The following NADSYN1 variants were observed in gnomAD, a reference collection of about 807,000 sequenced individuals.
The protein encoded by NADSYN1 is glutamine-dependent NAD(+) synthetase.
Under a neutral mutation model 99.3 loss-of-function variants are expected in NADSYN1, and 80 were observed. The observed-to-expected ratio is 0.81, with a 90% confidence interval of 0.67 to 0.97. The LOEUF (loss-of-function observed/expected upper bound fraction) is 0.97. Ranked by LOEUF, NADSYN1 falls within the 50% of genes least tolerant of loss-of-function variation. The probability of loss-of-function intolerance (pLI) is 0.00; values close to 1 mark genes in which losing one functional copy is unlikely to be tolerated. For missense variants in NADSYN1, 859 were observed against 948.5 expected, an observed-to-expected ratio of 0.91 and a Z score of 1.24; for synonymous variants, 385 against 372.1, an observed-to-expected ratio of 1.03 and a Z score of -0.40.
At chr11:71,468,603 G>T (rs529450217) in intron 5 of NADSYN1, among the ~76,000 whole-genome samples, 8 of 152,316 alleles carry the variant, frequency 5.3e-5, no homozygotes, top group South Asian at 2.1e-4. Context: ...TTCTTTAAAA[G>T]TCCAGTAGAA....
intron 19 of NADSYN1, 114 bp from the exon 20 acceptor site, chr11:71,498,238 C>A: frequency 8.2e-7 from 1 of 1,218,904 alleles, no homozygotes; most frequent in Non-Finnish European, 1.2e-6. Flanking sequence ...CGTGGAAGGT[C>A]CTGTGCGGGG....
At chr11:71,477,447 C>T (rs1355175197) in intron 9 of NADSYN1, 4 of 1,289,496 alleles carry the variant, frequency 3.1e-6, no homozygotes, top group African/African-American at 3.0e-5. Flanking sequence ...AGGTATGGCC[C>T]CCTGTTACGG....
intron 13 of NADSYN1, 74 bp downstream of exon 13, chr11:71,482,099 G>A: frequency 7.3e-7 from 1 of 1,361,908 alleles, no homozygotes; most frequent in Non-Finnish European, 1.0e-6. Context: ...GGACCTAGGA[G>A]GGGGCAGAGG....
chr11:71,499,548 TCCAAC>T (rs1334143962), intron 20 of NADSYN1: 1 of 152,198 alleles, frequency 6.6e-6, no homozygotes, highest in African/African-American at 2.4e-5. Context: ...CGTCATGGCT[TCCAAC>T]CCACCCTGCT....
At chr11:71,501,269 C>T (rs764319396) in intron 20 of NADSYN1, 33 bp from the exon 21 acceptor site, 16 of 1,515,872 alleles carry the variant, frequency 1.1e-5, no homozygotes, top group South Asian at 5.1e-5. Flanking sequence ...TCCGTCTTTG[C>T]GGGGCTGTGG....
intron 18 of NADSYN1, among the ~76,000 whole-genome samples, chr11:71,492,246 A>G (rs1368922628): frequency 6.6e-6 from 1 of 152,186 alleles, no homozygotes; most frequent in Non-Finnish European, 1.5e-5. Flanking sequence ...CCTCCACTGC[A>G]TGCTGGCCCT....
Position 71,481,935 on chromosome 11 carries a change from C to T in NADSYN1, c.1060C>T (p.Leu354=), listed in dbSNP as rs1030659230. The change falls in exon 13 of 21, where the codon CTG becomes TTG. Residue 354 remains leucine, a synonymous_variant. Coordinates refer to ENST00000319023, the MANE Select transcript of NADSYN1 (RefSeq NM_018161.5). Reference sequence around the variant, plus strand: ...TGGTCCATTCCAGGCAGGGTTTTTGCTGCCCTTGAGTGGCGGGGTGGACAG... The same window carrying T: ...TGGTCCATTCCAGGCAGGGTTTTTGTTGCCCTTGAGTGGCGGGGTGGACAG... The part of the protein sequence containing the change: ...LRRSQQAGFL[L]PLSGGVDSAA... 10 of 1,613,276 alleles carry T rather than the reference C, an allele frequency of 6.2e-6. No individual in the cohort carries two copies. In the African/African-American group the frequency reaches 1.1e-4, roughly 17 times the overall value.
rs986388131 is a variant in NADSYN1, at chr11:71,478,479, C to T, written c.873+10C>T. On this transcript the variant is annotated intron_variant, in intron 10 of 20. Transcript: ENST00000319023. Reference sequence around the variant, plus strand: ...ATCTCGAAACCTGGCGGTGAGTGCTCCAGTAGACACCTGTGTGGGATGCTC... The same window carrying T: ...ATCTCGAAACCTGGCGGTGAGTGCTTCAGTAGACACCTGTGTGGGATGCTC... 6.3e-6 allele frequency: 10 copies of T among 1,591,314 alleles called. No homozygotes were observed. The highest frequency in any genetic ancestry group is 3.3e-4 in the Middle Eastern group (2 of 5,994).
intron 1 of NADSYN1, 140 bp downstream of exon 1, chr11:71,453,521 CAAT>C: frequency 2.8e-6 from 2 of 726,712 alleles, no homozygotes; most frequent in Non-Finnish European, 2.3e-6. Flanking sequence ...AGATAATGGG[CAAT>C]GACCCCGCCA....
In NADSYN1 at chr11:71,498,360, CAAAGT is replaced by C. The variant is rs1949834507; in HGVS notation, c.1903_1907del (p.Lys635GlufsTer29). ...TGTTGCACGCCCACCAGGTCGCTGA[CAAAGT>C]GAAGCGGTTTTTCTCCAAGTACTCC... On this transcript the variant is annotated frameshift_variant, in exon 20 of 21. Coordinates refer to ENST00000319023, the MANE Select transcript of NADSYN1 (RefSeq NM_018161.5). LOFTEE classifies it high-confidence loss of function. 1 of 1,614,042 alleles carries C rather than the reference CAAAGT, an allele frequency of 6.2e-7. No individual in the cohort carries two copies. Among genetic ancestry groups the C allele is most frequent in the Non-Finnish European group, 8.5e-7 (1 of 1,180,012 alleles).
chr11:71,477,045 C>T (rs1247846602), intron 9 of NADSYN1: 29 of 1,076,752 alleles, frequency 2.7e-5, no homozygotes, highest in Non-Finnish European at 2.9e-5. Context: ...CCGTGGTGCA[C>T]CTGAAATGGT....
Position 71,473,259 on chromosome 11 carries a change from T to G in NADSYN1, c.460-19T>G. 1 of 1,613,030 alleles carries G rather than the reference T, an allele frequency of 6.2e-7. No homozygotes were observed. Among genetic ancestry groups the G allele is most frequent in the South Asian group, 1.1e-5 (1 of 91,052 alleles). On this transcript the variant is annotated intron_variant, in intron 6 of 20. Coordinates refer to ENST00000319023, the MANE Select transcript of NADSYN1 (RefSeq NM_018161.5). ...GGCATGGCTAGTGAATCTCATGCACTCTTCTCTTCCGACTGCAGGAAACCG... is the reference window on the plus strand; with the variant it reads ...GGCATGGCTAGTGAATCTCATGCACGCTTCTCTTCCGACTGCAGGAAACCG...
At chr11:71,476,622 A>G (rs989524047) in intron 9 of NADSYN1, 22 of 984,444 alleles carry the variant, frequency 2.2e-5, no homozygotes, top group Admixed American at 1.2e-4. Context: ...GTGTCCCCAG[A>G]GGCCTCCTTG....
chr11:71,477,301 A>C, intron 9 of NADSYN1: 1 of 1,274,154 alleles, frequency 7.8e-7, no homozygotes, highest in South Asian at 1.3e-5. Flanking sequence ...CCTCATCTCC[A>C]TTGTTTTATG....
At chr11:71,477,014 C>T (rs1949671981) in intron 9 of NADSYN1, 6 of 1,062,646 alleles carry the variant, frequency 5.6e-6, no homozygotes, top group Non-Finnish European at 6.9e-6. Flanking sequence ...AGGCTCGGGC[C>T]ACTGCCCTCC....
chr11:71,462,745 G>A (rs531906128), intron 3 of NADSYN1, among the ~76,000 whole-genome samples: 22 of 152,150 alleles, frequency 1.4e-4, no homozygotes, highest in Non-Finnish European at 2.2e-4. Flanking sequence ...TTTTGCTGTC[G>A]GGTCACACCT....
chr11:71,475,714 C>T (rs745656252), intron 9 of NADSYN1: 5 of 257,600 alleles, frequency 1.9e-5, no homozygotes, highest in South Asian at 4.1e-5. Flanking sequence ...CTCTCCCTTT[C>T]GGTTGTTTGT....
intron 2 of NADSYN1, among the ~76,000 whole-genome samples, chr11:71,458,170 C>G (rs1264701309): frequency 6.6e-6 from 1 of 152,156 alleles, no homozygotes; most frequent in Middle Eastern, 3.2e-3. Context: ...GCGGGCACTT[C>G]CTGATAGAGA....
At chr11:71,495,985 T>C (rs1266058284) in intron 18 of NADSYN1, among the ~76,000 whole-genome samples, 1 of 152,206 alleles carries the variant, frequency 6.6e-6, no homozygotes, top group Non-Finnish European at 1.5e-5. Context: ...GGCGCTGTGA[T>C]AGTGATACCA....
Sources: gnomAD v4.1 joint callset for allele counts (sites outside exome capture counted in the v4.1 genomes callset) on GRCh38, gnomAD v4.1.1 for gene constraint, MANE v1.5 for transcripts, NCBI Gene and HGNC (gene_info 2026-07-23, HGNC 2026-07-21) for gene names.